Variants in PCDHGB4 observed in about 807,000 individuals in gnomAD.
PCDHGB4 encodes protocadherin gamma subfamily B, 4.
In PCDHGB4, 38 loss-of-function variants were observed where a neutral mutation model predicts 60.5. The observed-to-expected ratio is 0.63, with a 90% CI of 0.48 to 0.82. The LOEUF (loss-of-function observed/expected upper bound fraction) is 0.82, where lower values mean the gene tolerates loss of function less well. PCDHGB4 is among the 40% of genes least tolerant of loss of function. The pLI is 0.00. For missense variants in PCDHGB4, 1,109 were observed against 1,209.6 expected (o/e 0.92, Z 1.23); for synonymous variants, 456 against 509.7 (o/e 0.89, Z 1.42).
At chr5:141,414,691 T>A (rs2095777481) in intron 1 of PCDHGB4, 1 of 1,613,848 alleles carries the variant, frequency 6.2e-7, no homozygotes, top group African/African-American at 1.3e-5. Context: ...GGTACCTCTG[T>A]CCTCATACAT....
intron 1 of PCDHGB4, among the ~76,000 whole-genome samples, chr5:141,429,545 G>T (rs1200824675): frequency 6.6e-6 from 1 of 151,844 alleles, no homozygotes; most frequent in East Asian, 1.9e-4. Context: ...TAAGAACATG[G>T]TAATGATTTG....
rs1264130543 is a variant in PCDHGB4 at position 141,485,467 on chromosome 5, C to T, written c.2398-9340C>T. 2 of 1,614,112 alleles carry T rather than the reference C, an allele frequency of 1.2e-6. No homozygotes were observed. The highest frequency in any genetic ancestry group is 1.7e-6 in the Non-Finnish European group (2 of 1,180,024). On this transcript the variant is annotated intron_variant, in intron 1 of 3. Transcript: ENST00000519479. The surrounding 1 kb of genome is among the most constrained non-coding windows in gnomAD (Gnocchi z 5.7). ...TCGACCGAGAGGCACTGTGTGGGCT[C>T]AGTGCCAGCTGCATCGTGCCCCTGG... is the stretch of plus-strand genomic sequence containing the variant.
chr5:141,447,427 C>T (rs752438597), intron 1 of PCDHGB4, among the ~76,000 whole-genome samples: 2 of 152,174 alleles, frequency 1.3e-5, no homozygotes, highest in Non-Finnish European at 2.9e-5. Context: ...CGTGAGCCAC[C>T]GCACCCGGAG....
In PCDHGB4 at chr5:141,423,113, C is replaced by G. The variant is rs2096710947; in HGVS notation, c.2397+32832C>G. On this transcript the variant is annotated intron_variant, in intron 1 of 3. Coordinates refer to ENST00000519479, the MANE Select transcript of PCDHGB4 (RefSeq NM_003736.4). The stretch of plus-strand genomic sequence containing the variant: ...GGGGAGCACACGGGCGAGGTGCGTA[C>G]AGCGCGGGCACTGCTGGACAGAGAC... The G allele has an allele frequency of 1.9e-6, 3 of 1,613,702 alleles. No homozygotes were observed. The highest frequency in any genetic ancestry group is 2.5e-6 in the Non-Finnish European group (3 of 1,179,992).
In PCDHGB4 at chr5:141,486,421, G is replaced by C; in HGVS notation, c.2398-8386G>C. 1 of 1,614,152 alleles carries C rather than the reference G, an allele frequency of 6.2e-7. No individual in the cohort carries two copies. Among genetic ancestry groups the C allele is most frequent in the African/African-American group, 1.3e-5 (1 of 75,028 alleles). On this transcript the variant is annotated intron_variant, in intron 1 of 3. Coordinates refer to ENST00000519479, the MANE Select transcript of PCDHGB4 (RefSeq NM_003736.4). This position sits in a 1 kb window ranked among gnomAD's most constrained non-coding sequence, Gnocchi z 5.0. Reference sequence around the variant, plus strand: ...TGACTGCTGGACCCTTGGATCGAGAGGCCAAATCTAGCTATGACATCATGG... The same window carrying C: ...TGACTGCTGGACCCTTGGATCGAGACGCCAAATCTAGCTATGACATCATGG...
In PCDHGB4 at chr5:141,476,506, C is replaced by T; in HGVS notation, c.2398-18301C>T. 1 of 1,614,068 alleles carries T rather than the reference C, an allele frequency of 6.2e-7. No homozygotes were observed. ...AAGTGGTGATCCAGGACATCAACGA[C>T]AACAATCCTGCTTTCCCTACCCAGG... On this transcript the variant is annotated intron_variant, in intron 1 of 3. Transcript: ENST00000519479. This position sits in a 1 kb window ranked among gnomAD's most constrained non-coding sequence, Gnocchi z 7.6.
rs761615943 is a variant in PCDHGB4, at chr5:141,389,477, G to C, written c.1593G>C (p.Gln531His). ...TGCGCGCCTTCGAACTCACACTGCA[G>C]GCCCGCGACCAGGGCTCGCCAGCGC... ...EQLRAFELTL[Q>H]ARDQGSPALS... is the part of the protein sequence containing the mutation. The change falls in exon 1 of 4, where the codon CAG (glutamine) becomes CAC (histidine). Residue 531 changes from glutamine (Q) to histidine (H), a missense_variant. Transcript: ENST00000519479. 1.9e-6 allele frequency: 3 copies of C among 1,613,174 alleles called. No individual in the cohort carries two copies. Among genetic ancestry groups the C allele is most frequent in the Non-Finnish European group, 2.5e-6 (3 of 1,179,808 alleles).
chr5:141,472,200 C>A (rs2099274166), intron 1 of PCDHGB4, among the ~76,000 whole-genome samples: 1 of 152,110 alleles, frequency 6.6e-6, no homozygotes, highest in Non-Finnish European at 1.5e-5. Flanking sequence ...ATCTTTTTGA[C>A]ACTAAGACCT....
chr5:141,400,081 G>A lies in PCDHGB4; in HGVS notation c.2397+9800G>A, dbSNP rs763547099. 3.7e-6 allele frequency: 6 copies of A among 1,613,902 alleles called. No homozygotes were observed. The highest frequency in any genetic ancestry group is 3.3e-5 in the Admixed American group (2 of 60,010). On this transcript the variant is annotated intron_variant, in intron 1 of 3. Transcript: ENST00000519479. ...TGATGGTGGACAGCCGCCACTCTCC[G>A]CCACCGCCACGCTGCACTTGGTCTT...
At chr5:141,399,836 T>C (rs2093900703) in intron 1 of PCDHGB4, 2 of 1,613,080 alleles carry the variant, frequency 1.2e-6, no homozygotes, top group East Asian at 2.2e-5. Context: ...GGCTCTGCGC[T>C]CTTCGATATG....
rs2091280920 is a variant in PCDHGB4, at chr5:141,388,215, G to A, written c.331G>A (p.Glu111Lys). The change falls in exon 1 of 4, where the codon GAA (glutamate) becomes AAA (lysine). Residue 111 changes from glutamate (E) to lysine (K), a missense_variant. By Grantham distance (56) the Glu-to-Lys change is moderately conservative. Around this residue, in one of 2 missense-constraint regions of PCDHGB4, gnomAD observed 1,068 missense variants for 1,089.9 expected, o/e 0.98. Transcript: ENST00000519479. Reference sequence around the variant, plus strand: ...TGCTCTGGAATTTGAGGCTGTTGCTGAAAATCCACTGAACTTTTATCACGT... The same window carrying A: ...TGCTCTGGAATTTGAGGCTGTTGCTAAAAATCCACTGAACTTTTATCACGT... The part of the protein sequence containing the change: ...ACALEFEAVA[E>K]NPLNFYHVNV... The A allele has an allele frequency of 6.3e-7, 1 of 1,597,062 alleles. No individual in the cohort carries two copies.
chr5:141,454,142 C>T (rs2098782408), intron 1 of PCDHGB4, among the ~76,000 whole-genome samples: 1 of 152,222 alleles, frequency 6.6e-6, no homozygotes, highest in Non-Finnish European at 1.5e-5. Context: ...GGAATGTTCA[C>T]ACTGCTACTT....
At chr5:141,447,027 T>TG (rs563674341) in intron 1 of PCDHGB4, among the ~76,000 whole-genome samples, 103 of 152,252 alleles carry the variant, frequency 6.8e-4, no homozygotes, top group South Asian at 2.3e-3. Flanking sequence ...TGTTTTGTTT[T>TG]TTTTCTGTGT....
Position 141,432,454 on chromosome 5 carries a change from C to T in PCDHGB4, c.2397+42173C>T, listed in dbSNP as rs751733947. On this transcript the variant is annotated intron_variant, in intron 1 of 3. Coordinates refer to ENST00000519479, the MANE Select transcript of PCDHGB4 (RefSeq NM_003736.4). The surrounding 1 kb of genome is among the most constrained non-coding windows in gnomAD (Gnocchi z 6.0). ...ACAATGCGCCCGAGATCCTGTACCC[C>T]GCCCTCCCCACGGACGGTTCCACTG... 134 of 1,614,108 alleles carry T rather than the reference C, an allele frequency of 8.3e-5. No homozygotes were observed. The highest frequency in any genetic ancestry group is 1.1e-4 in the Non-Finnish European group (133 of 1,180,058).
intron 1 of PCDHGB4, among the ~76,000 whole-genome samples, chr5:141,467,951 A>G (rs2099155044): frequency 6.6e-6 from 1 of 151,944 alleles, no homozygotes; most frequent in East Asian, 1.9e-4. Context: ...GAGCCACCAC[A>G]CCCGGCTGCC....
intron 1 of PCDHGB4, chr5:141,392,975 GGA>G: frequency 6.2e-7 from 1 of 1,613,862 alleles, no homozygotes; most frequent in Non-Finnish European, 8.5e-7. Context: ...ACCTGGGGCT[GGA>G]CCCCCGGAAG....
At chr5:141,418,460 G>A in intron 1 of PCDHGB4, 1 of 1,613,992 alleles carries the variant, frequency 6.2e-7, no homozygotes, top group Non-Finnish European at 8.5e-7. Context: ...GAAGACTCTG[G>A]ACCGAGAAAC....
chr5:141,403,540 G>A (rs752983401), intron 1 of PCDHGB4: 2 of 1,613,886 alleles, frequency 1.2e-6, no homozygotes, highest in African/African-American at 2.7e-5. Context: ...AGCTGGTGCT[G>A]GAGCGCGCCC....
At chr5:141,433,103 C>T (rs762225174) in intron 1 of PCDHGB4, 3 of 1,614,126 alleles carry the variant, frequency 1.9e-6, no homozygotes, top group Non-Finnish European at 2.5e-6. Flanking sequence ...GCTCGTCAGC[C>T]AGGAGAGCTT....
Sources: gnomAD v4.1 joint callset for allele counts (sites outside exome capture counted in the v4.1 genomes callset) on GRCh38, gnomAD v4.1.1 for gene constraint, gnomAD v4.1.1 regional missense constraint, Gnocchi (gnomAD v3.1) non-coding constraint, MANE v1.5 for transcripts, NCBI Gene and HGNC (gene_info 2026-07-23, HGNC 2026-07-21) for gene names.